The following HPS3 variants were observed in gnomAD, a reference collection of about 807,000 sequenced individuals.
HPS3 encodes the protein BLOC-2 complex member HPS3.
In HPS3, 79 loss-of-function variants were observed where a neutral mutation model predicts 110.9. That is an observed-to-expected ratio of 0.71 (90% CI 0.59 to 0.86). HPS3 has a LOEUF of 0.86. Among genes scored for constraint, HPS3 ranks in the 40% least tolerant of loss-of-function variants. HPS3 has a pLI of 0.00. For missense variants in HPS3, 1,197 were observed against 1,206.2 expected (o/e 0.99, Z 0.11); for synonymous variants, 428 against 451.0 (o/e 0.95, Z 0.65).
chr3:149,135,094 G>A (rs1429712871), intron 1 of HPS3, among the ~76,000 whole-genome samples: 1 of 152,052 alleles, frequency 6.6e-6, no homozygotes, highest in African/African-American at 2.4e-5. Context: ...TCTTACATCA[G>A]CCATCTATGT....
rs770341492 is a variant in HPS3, at chr3:149,162,081, G to A, written c.2107-67G>A. On this transcript the variant is annotated intron_variant, in intron 11 of 16. Transcript: ENST00000296051. ...CATTGTGAATGCACTAGCATGTTTA[G>A]TATTTCTAAAATGGACAATCTAAAT... The A allele has an allele frequency of 1.5e-5, 20 of 1,290,432 alleles. No individual in the cohort carries two copies. In the Admixed American group the frequency reaches 1.7e-4, roughly 11 times the overall value. The allele number at this position is 1,290,432 out of a possible 1,614,324, so 79.9% of individuals were successfully genotyped here.
chr3:149,133,514 G>T (rs1183372921), intron 1 of HPS3, among the ~76,000 whole-genome samples: 2 of 152,008 alleles, frequency 1.3e-5, no homozygotes, highest in Non-Finnish European at 2.9e-5. Flanking sequence ...GGTCAGGCTG[G>T]TCTCAAACTC....
intron 1 of HPS3, 70 bp from the exon 2 acceptor site, chr3:149,139,921 TTCATTAATAGTAC>T (rs1435616538): frequency 7.9e-7 from 1 of 1,259,768 alleles, no homozygotes; most frequent in Non-Finnish European, 1.1e-6. Flanking sequence ...TGTGTTAGAA[TTCATTAATAGTAC>T]TCATGTCAGC....
intron 1 of HPS3, 35 bp downstream of exon 1, chr3:149,129,975 T>G (rs931294281): frequency 1.3e-6 from 2 of 1,525,398 alleles, no homozygotes; most frequent in Non-Finnish European, 1.8e-6. Flanking sequence ...CCGCCTGGGG[T>G]CCAGCTTGAG....
intron 11 of HPS3, among the ~76,000 whole-genome samples, chr3:149,160,629 A>C (rs1723737271): frequency 6.6e-6 from 1 of 152,206 alleles, no homozygotes; most frequent in Non-Finnish European, 1.5e-5. Flanking sequence ...GTATTTAAGA[A>C]CAGCAAAGGG....
chr3:149,150,912 A>G (rs1223429079), intron 6 of HPS3, among the ~76,000 whole-genome samples: 1 of 152,214 alleles, frequency 6.6e-6, no homozygotes, highest in African/African-American at 2.4e-5. Context: ...GATTTAGTGC[A>G]TAGTTTTTAA....
intron 1 of HPS3, among the ~76,000 whole-genome samples, chr3:149,139,340 GT>G (rs1722296491): frequency 6.6e-6 from 1 of 152,124 alleles, no homozygotes; most frequent in South Asian, 2.1e-4. Context: ...TGTGATCTCT[GT>G]TTATATGAGA....
chr3:149,147,610 G>A (rs1001046575), intron 5 of HPS3, among the ~76,000 whole-genome samples: 5 of 152,122 alleles, frequency 3.3e-5, no homozygotes, highest in African/African-American at 9.7e-5. Context: ...TTTAGTGAGT[G>A]GACCCACTAA....
Position 149,162,187 on chromosome 3 carries a change from T to C in HPS3, c.2146T>C (p.Leu716=). The part of the protein sequence containing the change: ...VCGFILEPRL[L]IQQRKGQIVP... ...TGGCTTCATTCTGGAACCTCGGCTG[T>C]TGATTCAACAGAGAAAGGGACAGAT... Residue 716 remains leucine, a synonymous_variant, in exon 12 of 17, where the codon TTG becomes CTG. Transcript: ENST00000296051. 2 of 1,614,008 alleles carry C rather than the reference T, an allele frequency of 1.2e-6. No homozygotes were observed. Among genetic ancestry groups the C allele is most frequent in the Non-Finnish European group, 1.7e-6 (2 of 1,179,922 alleles).
Position 149,161,508 on chromosome 3 carries a change from C to CTT in HPS3, c.2107-618_2107-617dup, listed in dbSNP as rs1203449055. 7.6e-3 allele frequency among the ~76,000 whole-genome samples: 795 copies of CTT among 104,224 alleles called. 1 individual carries two copies. Among genetic ancestry groups the CTT allele is most frequent in the Non-Finnish European group, 9.4e-3 (495 of 52,608 alleles). The allele number at this position is 104,224 out of a possible 152,430, so 68.4% of individuals were successfully genotyped here. A position where few individuals can be genotyped will look rare whatever the true frequency, so the allele number is the denominator to read the frequency against. ...AGAACAGAAGCAGTTCCCCCACACC[C>CTT]TTTTTTTTTTTTTTTTTTTTTTTGA... On this transcript the variant is annotated intron_variant, in intron 11 of 16. Coordinates refer to ENST00000296051, the MANE Select transcript of HPS3 (RefSeq NM_032383.5).
At chr3:149,168,449 T>A in intron 16 of HPS3, 1 of 173,918 alleles carries the variant, frequency 5.7e-6, no homozygotes, top group South Asian at 1.3e-4. Flanking sequence ...ATTTGAATTT[T>A]CATAATTCAT....
chr3:149,163,303 C>G lies in HPS3; in HGVS notation c.2481+425C>G, dbSNP rs150006033. Reference sequence around the variant, plus strand: ...GCCTTAGTGGGCCCCCATTTCCTGTCTGTTGCACATACAGGAGCTGTTCTG... The same window carrying G: ...GCCTTAGTGGGCCCCCATTTCCTGTGTGTTGCACATACAGGAGCTGTTCTG... On this transcript the variant is annotated intron_variant, in intron 13 of 16. Transcript: ENST00000296051. Among the ~76,000 whole-genome samples, 666 of 152,268 alleles carry G rather than the reference C, an allele frequency of 4.4e-3. 6 individuals carry two copies. Among genetic ancestry groups the G allele is most frequent in the African/African-American group, 0.015 (622 of 41,558 alleles).
At chr3:149,140,581 T>G in intron 2 of HPS3, 83 bp downstream of exon 2, 1 of 1,425,008 alleles carries the variant, frequency 7.0e-7, no homozygotes, top group Non-Finnish European at 9.8e-7. Flanking sequence ...CTGTGGTATA[T>G]ATGGTGCCCG....
chr3:149,146,941 A>T (rs1722811760), intron 5 of HPS3, among the ~76,000 whole-genome samples: 1 of 152,232 alleles, frequency 6.6e-6, no homozygotes, highest in Non-Finnish European at 1.5e-5. Flanking sequence ...TAGGAAAATT[A>T]ATGGTGGCTG....
At position 149,157,440 on chromosome 3, in the gene HPS3, A is replaced by G. The variant is rs372479893; in HGVS notation, c.1600A>G (p.Met534Val). 7 of 1,613,748 alleles carry G rather than the reference A, an allele frequency of 4.3e-6. No individual in the cohort carries two copies. In the African/African-American group the frequency reaches 9.3e-5, roughly 22 times the overall value. ...EAHLLVRAAL[M>V]DASQLEPGEK... Reference sequence around the variant, plus strand: ...TCATCTGTTAGTGCGAGCTGCCCTGATGGATGCCAGTCAGCTGGAACCTGG... The same window carrying G: ...TCATCTGTTAGTGCGAGCTGCCCTGGTGGATGCCAGTCAGCTGGAACCTGG... The change falls in exon 9 of 17, where the codon ATG becomes GTG. Residue 534 changes from methionine (M) to valine (V), a missense_variant. Physicochemically the swap from Met to Val is conservative, Grantham distance 21 (BLOSUM62 1). Transcript: ENST00000296051.
At chr3:149,147,434 A>T (rs907745936) in intron 5 of HPS3, among the ~76,000 whole-genome samples, 18 of 152,344 alleles carry the variant, frequency 1.2e-4, no homozygotes, top group African/African-American at 4.3e-4. Context: ...GAGGAGAAAG[A>T]CAAAGATTTT....
intron 1 of HPS3, among the ~76,000 whole-genome samples, chr3:149,133,489 G>A (rs894218715): frequency 6.6e-6 from 1 of 151,886 alleles, no homozygotes; most frequent in African/African-American, 2.4e-5. Context: ...GTAGAGATGG[G>A]GTTTCTCCAT....
chr3:149,159,477 C>T (rs573223261), intron 10 of HPS3, among the ~76,000 whole-genome samples: 6 of 152,180 alleles, frequency 3.9e-5, no homozygotes, highest in South Asian at 2.1e-4. Flanking sequence ...GCAGGAGGAT[C>T]GCTTGAGCCC....
chr3:149,150,641 A>G lies in HPS3; in HGVS notation c.1206A>G (p.Ala402=), dbSNP rs1459731237. The part of the protein sequence containing the change: ...QCFTVRCSAA[A]AREEDPYMDT... The stretch of plus-strand genomic sequence containing the variant: ...TCACTGTGCGGTGCAGTGCGGCGGC[A>G]GCTCGTGAGGAGGACCCGTACATGG... The change falls in exon 6 of 17, where the codon GCA becomes GCG. Residue 402 remains alanine, a synonymous_variant. Coordinates refer to ENST00000296051, the MANE Select transcript of HPS3 (RefSeq NM_032383.5). The G allele has an allele frequency of 7.4e-6, 12 of 1,614,110 alleles. No homozygotes were observed. The highest frequency in any genetic ancestry group is 9.3e-6 in the Non-Finnish European group (11 of 1,179,980).
Sources: gnomAD v4.1 joint callset for allele counts (sites outside exome capture counted in the v4.1 genomes callset) on GRCh38, gnomAD v4.1.1 for gene constraint, MANE v1.5 for transcripts, NCBI Gene and HGNC (gene_info 2026-07-23, HGNC 2026-07-21) for gene names.